Variants in OTOP1 observed in about 807,000 individuals in gnomAD.
OTOP1 encodes proton channel OTOP1.
In OTOP1, 59 loss-of-function variants were observed where a neutral mutation model predicts 52.9. The observed-to-expected ratio is 1.12, with a 90% CI of 0.91 to 1.39. OTOP1 has a LOEUF of 1.39. Ranked by LOEUF, OTOP1 falls within the 40% of genes most tolerant of loss-of-function variation. OTOP1 has a pLI of 0.00. For missense variants in OTOP1, 761 were observed against 800.9 expected (o/e 0.95, Z 0.60); for synonymous variants, 317 against 337.7 (o/e 0.94, Z 0.67).
At chr4:4,206,649 C>G (rs551831154) in intron 2 of OTOP1, among the ~76,000 whole-genome samples, 1 of 152,116 alleles carries the variant, frequency 6.6e-6, no homozygotes, top group Non-Finnish European at 1.5e-5. Context: ...TAGCAGCATA[C>G]GGGGAAGGGA....
intron 1 of OTOP1, among the ~76,000 whole-genome samples, chr4:4,217,459 G>A (rs1244159710): frequency 6.6e-6 from 1 of 152,152 alleles, no homozygotes; most frequent in East Asian, 1.9e-4. Context: ...CGCGTGTCAG[G>A]GCAAAAGGCA....
At chr4:4,202,782 A>G (rs970023550) in intron 3 of OTOP1, among the ~76,000 whole-genome samples, 1 of 152,236 alleles carries the variant, frequency 6.6e-6, no homozygotes, top group Non-Finnish European at 1.5e-5. Context: ...GAATCTTGGC[A>G]TTCAGCCGTA....
In OTOP1 at chr4:4,199,807, G is replaced by A. The variant is rs796617833; in HGVS notation, c.731-1704C>T. Reference sequence around the variant, plus strand: ...GTATCTATTTTTTAATGCAAGTCACGACCCAGTACCAGGCTGTAAAATCAG... The same window carrying A: ...GTATCTATTTTTTAATGCAAGTCACAACCCAGTACCAGGCTGTAAAATCAG... On this transcript the variant is annotated intron_variant, in intron 4 of 5. Coordinates refer to ENST00000296358, the MANE Select transcript of OTOP1 (RefSeq NM_177998.3). 6.6e-5 allele frequency among the ~76,000 whole-genome samples: 10 copies of A among 152,274 alleles called. No homozygotes were observed. In the South Asian group the frequency reaches 1.2e-3, roughly 19 times the overall value.
intron 4 of OTOP1, among the ~76,000 whole-genome samples, chr4:4,198,991 G>C (rs1400113863): frequency 6.6e-6 from 1 of 152,150 alleles, no homozygotes; most frequent in Non-Finnish European, 1.5e-5. Context: ...AGGAGTTCGA[G>C]ACCAGCCTGG....
chr4:4,200,346 GT>G (rs1716754083), intron 4 of OTOP1, among the ~76,000 whole-genome samples: 2 of 151,854 alleles, frequency 1.3e-5, no homozygotes, highest in Non-Finnish European at 2.9e-5. Flanking sequence ...GTGGTGGCAG[GT>G]GCCTGTAGTC....
rs1344553957 is a variant in OTOP1 at position 4,199,935 on chromosome 4, T to G, written c.731-1832A>C. 2.0e-5 allele frequency among the ~76,000 whole-genome samples: 3 copies of G among 152,332 alleles called. No individual in the cohort carries two copies. In the East Asian group the frequency reaches 5.8e-4, roughly 29 times the overall value. On this transcript the variant is annotated intron_variant, in intron 4 of 5. Transcript: ENST00000296358. ...ATAAAATTTGGAAGCGTCTCTGATA[T>G]AGTAAAACTAAGTATTATTTCATCA...
intron 4 of OTOP1, among the ~76,000 whole-genome samples, chr4:4,201,459 AATAT>A (rs112973192): frequency 6.7e-4 from 92 of 136,514 alleles, no homozygotes; most frequent in African/African-American, 1.6e-3. Flanking sequence ...TAAATAAATA[AATAT>A]ATATATATAC....
At chr4:4,207,687 G>C (rs550653336) in intron 2 of OTOP1, among the ~76,000 whole-genome samples, 6 of 152,016 alleles carry the variant, frequency 3.9e-5, no homozygotes, top group Admixed American at 1.3e-4. Context: ...ATTCACAATA[G>C]CCAAGAGGTA....
At chr4:4,196,232 A>G (rs1295581339) in intron 5 of OTOP1, among the ~76,000 whole-genome samples, 2 of 151,452 alleles carry the variant, frequency 1.3e-5, no homozygotes, top group African/African-American at 4.9e-5. Flanking sequence ...AAGCCTGGGC[A>G]GCACAGTGAG....
chr4:4,221,328 T>C (rs1717297119), intron 1 of OTOP1, among the ~76,000 whole-genome samples: 1 of 151,968 alleles, frequency 6.6e-6, no homozygotes, highest in African/African-American at 2.4e-5. Flanking sequence ...GTGGCTGAGG[T>C]GGGAGGAGCT....
intron 1 of OTOP1, among the ~76,000 whole-genome samples, chr4:4,218,314 C>T (rs1036262459): frequency 3.3e-5 from 5 of 151,414 alleles, no homozygotes; most frequent in African/African-American, 1.2e-4. Flanking sequence ...ATGGTGTGAA[C>T]CCGGGAGGCA....
chr4:4,225,566 CA>C (rs60600637), intron 1 of OTOP1, among the ~76,000 whole-genome samples: 88 of 111,468 alleles, frequency 7.9e-4, no homozygotes, highest in Middle Eastern at 5.2e-3. Context: ...AACATTGTCT[CA>C]AAAAAAAAAA....
chr4:4,205,467 T>C (rs187394416), intron 3 of OTOP1, among the ~76,000 whole-genome samples: 276 of 152,312 alleles, frequency 1.8e-3, no homozygotes, highest in Admixed American at 3.5e-3. Flanking sequence ...GTTTTGTTCT[T>C]ACTGGGGACA....
In OTOP1 at chr4:4,197,280, C is replaced by G; in HGVS notation, c.1554G>C (p.Glu518Asp). Residue 518 changes from glutamate to aspartate, a missense_variant, in exon 5 of 6, where the codon GAG (glutamate) becomes GAC (aspartate). Coordinates refer to ENST00000296358, the MANE Select transcript of OTOP1 (RefSeq NM_177998.3). ...SHDKEEEKQE[E>D]SSWGGSPSPV... Reference sequence around the variant, plus strand: ...GGCTTGGGCTCCCTCCCCAGCTGCTCTCCTCCTGCTTCTCCTCCTCCTTGT... The same window carrying G: ...GGCTTGGGCTCCCTCCCCAGCTGCTGTCCTCCTGCTTCTCCTCCTCCTTGT... 4 of 1,614,148 alleles carry G rather than the reference C, an allele frequency of 2.5e-6. No homozygotes were observed. The highest frequency in any genetic ancestry group is 3.4e-6 in the Non-Finnish European group (4 of 1,180,014).
At chr4:4,222,383 C>A (rs918943897) in intron 1 of OTOP1, among the ~76,000 whole-genome samples, 33 of 152,112 alleles carry the variant, frequency 2.2e-4, no homozygotes, top group African/African-American at 7.7e-4. Flanking sequence ...TACCCTGTGA[C>A]CTCCGCATCC....
intron 4 of OTOP1, among the ~76,000 whole-genome samples, chr4:4,200,538 T>A (rs1376141108): frequency 6.6e-6 from 1 of 151,148 alleles, no homozygotes; most frequent in Non-Finnish European, 1.5e-5. Context: ...CAGAACACTA[T>A]GAAATTTTCT....
In OTOP1 at chr4:4,197,921, G is replaced by A. The variant is rs771952197; in HGVS notation, c.913C>T (p.Gln305Ter). The A allele has an allele frequency of 3.7e-6, 6 of 1,613,956 alleles. No homozygotes were observed. Among genetic ancestry groups the A allele is most frequent in the Non-Finnish European group, 5.1e-6 (6 of 1,180,036 alleles). The stretch of plus-strand genomic sequence containing the variant: ...ACCATGACCCCATCAGACTTGAACT[G>A]CATCTTCTGGTGCTGATGGCTGTCA... ...KVDSHQHQKMQFKSDGVMVGA... is the reference protein window; with the variant it reads ...KVDSHQHQKM The change falls in exon 5 of 6, where the codon CAG becomes TAG. Residue 305 changes from glutamine to a stop codon, truncating the protein, a stop_gained. Coordinates refer to ENST00000296358, the MANE Select transcript of OTOP1 (RefSeq NM_177998.3). LOFTEE classifies it high-confidence loss of function.
chr4:4,199,235 A>T (rs2916415), intron 4 of OTOP1, among the ~76,000 whole-genome samples: 22,945 of 48,886 alleles, frequency 0.47, 5,280 homozygotes, highest in South Asian at 0.55. Flanking sequence ...TGTGTGTGTG[A>T]GAGAGAGAGA....
chr4:4,226,843 G>A lies in OTOP1; in HGVS notation c.22C>T (p.Pro8Ser), dbSNP rs1050360892. 17 of 1,343,726 alleles carry A rather than the reference G, an allele frequency of 1.3e-5. No individual in the cohort carries two copies. In the Admixed American group the frequency reaches 3.7e-4, roughly 29 times the overall value. The allele number at this position is 1,343,726 out of a possible 1,614,324, so 83.2% of individuals were successfully genotyped here. MLEGLGS[P>S]ASPRAAASAS... ...CTTGCAGCTGCCCGGGGCGAGGCGG[G>A]CGACCCCAGGCCCTCGAGCATCTTC... is the stretch of plus-strand genomic sequence containing the variant. Residue 8 changes from proline to serine, a missense_variant, in exon 1 of 6, where the codon CCC (proline) becomes TCC (serine). Around this residue, in one of 3 missense-constraint regions of OTOP1, gnomAD observed 73 missense variants for 75.7 expected, o/e 0.96. Transcript: ENST00000296358.
Sources: gnomAD v4.1 joint callset for allele counts (sites outside exome capture counted in the v4.1 genomes callset) on GRCh38, gnomAD v4.1.1 for gene constraint, gnomAD v4.1.1 regional missense constraint, MANE v1.5 for transcripts, NCBI Gene and HGNC (gene_info 2026-07-23, HGNC 2026-07-21) for gene names.